NOL4L: variants seen among roughly 807,000 people sequenced by gnomAD.
NOL4L encodes nucleolar protein 4 like.
NOL4L carries 7 observed loss-of-function variants against 64.5 expected under a neutral mutation model. The observed-to-expected ratio is 0.11, with a 90% CI of 0.06 to 0.20. NOL4L has a LOEUF of 0.20. Among genes scored for constraint, NOL4L ranks in the 10% least tolerant of loss-of-function variants. The probability of loss-of-function intolerance (pLI) is 1.00; values close to 1 mark genes in which losing one functional copy is unlikely to be tolerated. For missense variants in NOL4L, 680 were observed against 967.1 expected, an observed-to-expected ratio of 0.70 and a Z score of 3.94; for synonymous variants, 413 against 401.0, an observed-to-expected ratio of 1.03 and a Z score of -0.36.
Position 32,460,877 on chromosome 20 carries a change from C to G in NOL4L, c.842-4482G>C, listed in dbSNP as rs1306427495. On this transcript the variant is annotated intron_variant, in intron 5 of 10. Transcript: ENST00000621426. This position sits in a 1 kb window ranked among gnomAD's most constrained non-coding sequence, Gnocchi z 5.7. ...CGGGGCTCTGAAGGGGTGTCACCAGCTTTCTGGCCCCTGAGCCATGGTGTC... is the reference window on the plus strand; with the variant it reads ...CGGGGCTCTGAAGGGGTGTCACCAGGTTTCTGGCCCCTGAGCCATGGTGTC... 6.6e-6 allele frequency among the ~76,000 whole-genome samples: 1 copy of G among 152,190 alleles called. No homozygotes were observed.
At chr20:32,571,739 C>T (rs985935483) in intron 1 of NOL4L, among the ~76,000 whole-genome samples, 6 of 152,238 alleles carry the variant, frequency 3.9e-5, no homozygotes, top group Non-Finnish European at 7.3e-5. Context: ...ACTGGCCACA[C>T]GTCTGCTCTT....
chr20:32,499,738 C>CAGAAA, intron 4 of NOL4L, among the ~76,000 whole-genome samples: 1 of 51,360 alleles, frequency 1.9e-5, no homozygotes, highest in Non-Finnish European at 3.8e-5. Context: ...GACCTTGTCT[C>CAGAAA]AAAAAAAAAA....
At chr20:32,582,543 G>A (rs1980546356) in intron 1 of NOL4L, among the ~76,000 whole-genome samples, 1 of 152,154 alleles carries the variant, frequency 6.6e-6, no homozygotes. Flanking sequence ...CTAGGGAGAA[G>A]TCGAGCCACA....
In NOL4L at chr20:32,453,615, G is replaced by C. The variant is rs758492669; in HGVS notation, c.1266C>G (p.Asp422Glu). ...DDHEDNDKMNDSEGMDPERLK... is the reference protein window; with the variant it reads ...DDHEDNDKMNESEGMDPERLK... ...GACGCTCAGGGTCCATGCCTTCAGA[G>C]TCGTTCATCTTGTCATTGTCCTCAT... Residue 422 changes from aspartate (D) to glutamate (E), a missense_variant, in exon 7 of 11, where the codon GAC (aspartate) becomes GAG (glutamate). Asp to Glu is a conservative substitution (Grantham distance 45). Around this residue, in one of 4 missense-constraint regions of NOL4L, gnomAD observed 70 missense variants for 166.1 expected, o/e 0.42. Coordinates refer to ENST00000621426, the MANE Select transcript of NOL4L (RefSeq NM_001256798.2). The surrounding 1 kb of genome is among the most constrained non-coding windows in gnomAD (Gnocchi z 5.6). 3 of 1,613,246 alleles carry C rather than the reference G, an allele frequency of 1.9e-6. No homozygotes were observed. The highest frequency in any genetic ancestry group is 2.5e-6 in the Non-Finnish European group (3 of 1,179,560).
intron 1 of NOL4L, among the ~76,000 whole-genome samples, chr20:32,571,820 G>C (rs1237795638): frequency 2.0e-5 from 3 of 152,238 alleles, no homozygotes; most frequent in Admixed American, 6.5e-5. Context: ...CCCGCTGAGG[G>C]CAGAGGCCTG....
chr20:32,443,301 C>A lies in NOL4L; in HGVS notation c.*4295G>T, dbSNP rs1426443256. 1 of 152,156 alleles carries A rather than the reference C, an allele frequency of 6.6e-6. No homozygotes were observed. The highest frequency in any genetic ancestry group is 1.5e-5 in the Non-Finnish European group (1 of 68,030). The allele number at this position is 152,156 out of a possible 1,614,324, so 9.4% of individuals were successfully genotyped here. ...TCACATCACGTAGAGAAGACACATT[C>A]TAAGAATTAAAATATTAAGCCACAT... On this transcript the variant is annotated 3_prime_UTR_variant, in exon 11 of 11. Coordinates refer to ENST00000621426, the MANE Select transcript of NOL4L (RefSeq NM_001256798.2).
At chr20:32,488,340 G>A (rs1361836684) in intron 4 of NOL4L, among the ~76,000 whole-genome samples, 1 of 152,156 alleles carries the variant, frequency 6.6e-6, no homozygotes, top group African/African-American at 2.4e-5. Flanking sequence ...GCAATGCACA[G>A]GGCTGTGGAA....
intron 4 of NOL4L, among the ~76,000 whole-genome samples, chr20:32,499,738 C>CAAAAAAAAAAAAAA (rs10692885): frequency 1.4e-4 from 7 of 51,344 alleles, no homozygotes; most frequent in African/African-American, 5.1e-4. Context: ...GACCTTGTCT[C>CAAAAAAAAAAAAAA]AAAAAAAAAA....
rs1185112628 is a variant in NOL4L at position 32,488,805 on chromosome 20, TTTTC to T, written c.700-14067_700-14064del. 8.0e-4 allele frequency among the ~76,000 whole-genome samples: 24 copies of T among 30,184 alleles called. 4 individuals carry two copies. Among genetic ancestry groups the T allele is most frequent in the Non-Finnish European group, 1.3e-3 (21 of 16,606 alleles). The allele number at this position is 30,184 out of a possible 152,430, so 19.8% of individuals were successfully genotyped here. ...TTCCTTCCTTCCTTTCTTTCTTTCT[TTTTC>T]TTTCTTTCTTTCTTTCTTTTTCTTT... On this transcript the variant is annotated intron_variant, in intron 4 of 10. Transcript: ENST00000621426.
At chr20:32,544,590 A>G (rs1046493833) in intron 1 of NOL4L, among the ~76,000 whole-genome samples, 1 of 151,634 alleles carries the variant, frequency 6.6e-6, no homozygotes, top group Non-Finnish European at 1.5e-5. Context: ...GGGAGGTGGC[A>G]GGTGGGCGAG....
chr20:32,453,124 C>T lies in NOL4L; in HGVS notation c.1498-118G>A, dbSNP rs927049569. The T allele has an allele frequency of 2.7e-6, 4 of 1,478,606 alleles. No individual in the cohort carries two copies. The highest frequency in any genetic ancestry group is 3.7e-6 in the Non-Finnish European group (4 of 1,089,714). 91.6% of individuals were successfully genotyped at this position (1,478,606 alleles called of 1,614,324 possible). A position where few individuals can be genotyped will look rare whatever the true frequency, so the allele number is the denominator to read the frequency against. ...GGGGTTTGGGCTCCAGCGCCTCAGTCTATGGAGCTGTGTGATCTTTCTGGG... is the reference window on the plus strand; with the variant it reads ...GGGGTTTGGGCTCCAGCGCCTCAGTTTATGGAGCTGTGTGATCTTTCTGGG... On this transcript the variant is annotated intron_variant, in intron 8 of 10. Coordinates refer to ENST00000621426, the MANE Select transcript of NOL4L (RefSeq NM_001256798.2). This position sits in a 1 kb window ranked among gnomAD's most constrained non-coding sequence, Gnocchi z 5.6.
chr20:32,447,429 A>AAAAAATT lies in NOL4L; in HGVS notation c.*166_*167insAATTTTT. 11 of 757,702 alleles carry AAAAAATT rather than the reference A, an allele frequency of 1.5e-5. No homozygotes were observed. Among genetic ancestry groups the AAAAAATT allele is most frequent in the Non-Finnish European group, 2.2e-5 (11 of 494,134 alleles). 46.9% of individuals were successfully genotyped at this position (757,702 alleles called of 1,614,324 possible). A position where few individuals can be genotyped will look rare whatever the true frequency, so the allele number is the denominator to read the frequency against. ...AAAAAAAAAAAAAAAAAAAAAAAAA[A>AAAAAATT]GTGTCCTTGTGCCCAAAGTCTCAGG... On this transcript the variant is annotated 3_prime_UTR_variant, in exon 11 of 11. Coordinates refer to ENST00000621426, the MANE Select transcript of NOL4L (RefSeq NM_001256798.2).
At chr20:32,469,112 GTCAGGCTGGGCACACAGCGGGC>G (rs967859678) in intron 5 of NOL4L, among the ~76,000 whole-genome samples, 2 of 151,984 alleles carry the variant, frequency 1.3e-5, no homozygotes, top group African/African-American at 4.8e-5. Context: ...ACACAGCAGG[GTCAGGCTGGGCACACAGCGGGC>G]TCAGGAATGG....
intron 1 of NOL4L, among the ~76,000 whole-genome samples, chr20:32,573,444 C>A (rs577505921): frequency 2.0e-5 from 3 of 152,080 alleles, no homozygotes; most frequent in African/African-American, 7.2e-5. Context: ...GAGACCCACT[C>A]GGTGGCACTG....
At chr20:32,494,277 A>ACG (rs2016592432) in intron 4 of NOL4L, among the ~76,000 whole-genome samples, 1 of 79,782 alleles carries the variant, frequency 1.3e-5, no homozygotes, top group African/African-American at 4.1e-5. Flanking sequence ...AAAAAAAAAA[A>ACG]AAAAACACAC....
rs966121341 is a variant in NOL4L at position 32,446,836 on chromosome 20, A to C, written c.*760T>G. 2 of 215,764 alleles carry C rather than the reference A, an allele frequency of 9.3e-6. No individual in the cohort carries two copies. The highest frequency in any genetic ancestry group is 5.3e-5 in the Admixed American group (1 of 18,842). The allele number at this position is 215,764 out of a possible 1,614,324, so 13.4% of individuals were successfully genotyped here. A position where few individuals can be genotyped will look rare whatever the true frequency, so the allele number is the denominator to read the frequency against. The stretch of plus-strand genomic sequence containing the variant: ...GGTGACCATGGACTGGGGCTTCTGT[A>C]GAATGGGGTCGGGGTGCCTCTTTTG... On this transcript the variant is annotated 3_prime_UTR_variant, in exon 11 of 11. Coordinates refer to ENST00000621426, the MANE Select transcript of NOL4L (RefSeq NM_001256798.2).
chr20:32,447,794 T>C lies in NOL4L; in HGVS notation c.1845A>G (p.Lys615=), dbSNP rs975092133. The C allele has an allele frequency of 6.4e-7, 1 of 1,567,886 alleles. No individual in the cohort carries two copies. Among genetic ancestry groups the C allele is most frequent in the Admixed American group, 1.8e-5 (1 of 55,908 alleles). Residue 615 remains lysine (K), a synonymous_variant, in exon 11 of 11, where the codon AAA becomes AAG. Coordinates refer to ENST00000621426, the MANE Select transcript of NOL4L (RefSeq NM_001256798.2). ...HSNGPTDLSM[K]GGASTTSTTP... ...TGGTGGAGGTGGTAGAGGCCCCGCC[T>C]TTCATGCTGAGGTCCGTGGGCCCTG...
intron 4 of NOL4L, chr20:32,486,910 C>A (rs2145506943): frequency 2.5e-6 from 1 of 405,464 alleles, no homozygotes; most frequent in East Asian, 7.2e-5. Flanking sequence ...AACTCCACAA[C>A]ACAACAGTCT....
intron 1 of NOL4L, among the ~76,000 whole-genome samples, chr20:32,569,171 G>C (rs1328068152): frequency 6.6e-6 from 1 of 152,094 alleles, no homozygotes; most frequent in African/African-American, 2.4e-5. Flanking sequence ...ATTTTGAAAA[G>C]ACAATCAGGG....
Sources: gnomAD v4.1 joint callset for allele counts (sites outside exome capture counted in the v4.1 genomes callset) on GRCh38, gnomAD v4.1.1 for gene constraint, gnomAD v4.1.1 regional missense constraint, Gnocchi (gnomAD v3.1) non-coding constraint, MANE v1.5 for transcripts, NCBI Gene and HGNC (gene_info 2026-07-23, HGNC 2026-07-21) for gene names.